The following ADGB variants were observed in gnomAD, a reference collection of about 807,000 sequenced individuals.
The protein encoded by ADGB is androglobin.
A neutral mutation model predicts 210.5 loss-of-function variants in ADGB; 172 were observed. The observed-to-expected ratio is 0.82, with a 90% CI of 0.72 to 0.93. ADGB has a LOEUF of 0.93. Among genes scored for constraint, ADGB ranks in the 40% least tolerant of loss-of-function variants. ADGB has a pLI of 0.00. For synonymous variants in ADGB, 658 were observed against 662.7 expected (o/e 0.99, Z 0.11); for missense variants, 2,025 against 1,964.8 (o/e 1.03, Z -0.58).
intron 1 of ADGB, 117 bp downstream of exon 1, chr6:146,599,231 C>T (rs747210114): frequency 6.0e-5 from 53 of 877,332 alleles, no homozygotes; most frequent in Middle Eastern, 4.3e-4. Context: ...GTGGCCTCCT[C>T]GCAGCTTGTC....
In ADGB at chr6:146,691,262, G is replaced by A. The variant is rs1205503654; in HGVS notation, c.1458G>A (p.Lys486=). ...LPPWKLIRQK[K]ETVITDEAQE... ...CCTGGAAACTCATTCGTCAAAAAAA[G>A]GAAACTGTTATAACAGATGAAGCTC... The change falls in exon 11 of 36, where the codon AAG becomes AAA. Residue 486 remains lysine, a synonymous_variant. Transcript: ENST00000397944. 1 of 1,546,358 alleles carries A rather than the reference G, an allele frequency of 6.5e-7. No homozygotes were observed. The highest frequency in any genetic ancestry group is 2.5e-5 in the East Asian group (1 of 40,730).
chr6:146,607,253 C>T (rs1780644835), intron 1 of ADGB, among the ~76,000 whole-genome samples: 1 of 152,086 alleles, frequency 6.6e-6, no homozygotes, highest in Non-Finnish European at 1.5e-5. Context: ...GCTTTGTATC[C>T]TGAAAGTTTG....
intron 11 of ADGB, among the ~76,000 whole-genome samples, chr6:146,691,715 G>T (rs183257832): frequency 2.0e-4 from 30 of 150,058 alleles, no homozygotes; most frequent in African/African-American, 6.9e-4. Context: ...AGAAGCTAAG[G>T]AGTTTGGTTA....
At position 146,692,767 on chromosome 6, in the gene ADGB, T is replaced by C. The variant is rs1168804754; in HGVS notation, c.1487-58T>C. 5 of 902,080 alleles carry C rather than the reference T, an allele frequency of 5.5e-6. No homozygotes were observed. The African/African-American group carries it at 6.8e-5, about 12-fold the overall frequency. 55.9% of individuals were successfully genotyped at this position (902,080 alleles called of 1,614,324 possible). On this transcript the variant is annotated intron_variant, in intron 11 of 35. Transcript: ENST00000397944. ...ACTGTATTAAATGTTAAATTCTGTA[T>C]GCAATCCTGAAAGATTTTTTTAAAT...
In ADGB at chr6:146,742,988, C is replaced by G. The variant is rs776945225; in HGVS notation, c.3177+1717C>G. Among the ~76,000 whole-genome samples the G allele has an allele frequency of 2.0e-5, 3 of 152,024 alleles. No individual in the cohort carries two copies. The South Asian group carries it at 6.2e-4, about 32-fold the overall frequency. The stretch of plus-strand genomic sequence containing the variant: ...GCCCAGGGAAGCCAAATATTGGAAA[C>G]CCCTCCTCTAAACCTGACCTTTCTG... On this transcript the variant is annotated intron_variant, in intron 25 of 35. Transcript: ENST00000397944.
intron 35 of ADGB, among the ~76,000 whole-genome samples, chr6:146,814,186 A>G (rs1406111053): frequency 6.6e-6 from 1 of 152,232 alleles, no homozygotes; most frequent in Non-Finnish European, 1.5e-5. Flanking sequence ...AATAAAATTA[A>G]GCTGGTTGCA....
intron 12 of ADGB, 22 bp from the exon 13 acceptor site, chr6:146,700,919 T>TG: frequency 6.5e-7 from 1 of 1,538,082 alleles, no homozygotes; most frequent in South Asian, 1.2e-5. Context: ...AACAGAAGTT[T>TG]GGGGTTTTGT....
intron 1 of ADGB, among the ~76,000 whole-genome samples, chr6:146,609,635 G>T (rs1437557296): frequency 6.6e-6 from 1 of 152,180 alleles, no homozygotes; most frequent in Non-Finnish European, 1.5e-5. Flanking sequence ...TTTAAAGGAG[G>T]TCTGGTGGTA....
rs1324193367 is a variant in ADGB, at chr6:146,728,675, G to A, written c.2454G>A (p.Lys818=). ...AGGGTAAACTCTCTGCAGCTTTGAA[G>A]GATCTGCAAACAGCTCACTACCCTG... is the stretch of plus-strand genomic sequence containing the variant. The part of the protein sequence containing the change: ...KDKGKLSAAL[K]DLQTAHYPVP... The change falls in exon 20 of 36, where the codon AAG becomes AAA. Residue 818 remains lysine, a synonymous_variant. Coordinates refer to ENST00000397944, the MANE Select transcript of ADGB (RefSeq NM_024694.4). 1 of 1,551,538 alleles carries A rather than the reference G, an allele frequency of 6.4e-7. No homozygotes were observed. The highest frequency in any genetic ancestry group is 8.7e-7 in the Non-Finnish European group (1 of 1,146,894).
intron 13 of ADGB, among the ~76,000 whole-genome samples, chr6:146,705,271 C>G (rs1355878545): frequency 6.6e-6 from 1 of 151,880 alleles, no homozygotes; most frequent in African/African-American, 2.4e-5. Context: ...ATTTGAGTGC[C>G]TTTTCTTTAT....
chr6:146,753,005 T>A (rs1777346577), intron 27 of ADGB, among the ~76,000 whole-genome samples: 2 of 151,982 alleles, frequency 1.3e-5, no homozygotes, highest in Non-Finnish European at 2.9e-5. Flanking sequence ...TTTACTTTTT[T>A]AAATTCGTAA....
At chr6:146,717,292 A>G (rs1237576194) in intron 15 of ADGB, among the ~76,000 whole-genome samples, 2 of 152,234 alleles carry the variant, frequency 1.3e-5, no homozygotes, top group Admixed American at 6.5e-5. Flanking sequence ...GATTATCCAT[A>G]TAACACATTA....
intron 27 of ADGB, among the ~76,000 whole-genome samples, chr6:146,759,412 TA>T (rs1349140089): frequency 6.6e-6 from 1 of 151,840 alleles, no homozygotes; most frequent in African/African-American, 2.4e-5. Context: ...GAATATTTTG[TA>T]AAATTTCTAA....
chr6:146,669,801 T>C (rs893346047), intron 7 of ADGB, among the ~76,000 whole-genome samples: 1 of 152,096 alleles, frequency 6.6e-6, no homozygotes, highest in Admixed American at 6.6e-5. Context: ...CTAGACTGTA[T>C]TTATCTACAA....
intron 13 of ADGB, among the ~76,000 whole-genome samples, chr6:146,711,173 G>A (rs1230198366): frequency 6.6e-6 from 1 of 152,118 alleles, no homozygotes; most frequent in Non-Finnish European, 1.5e-5. Flanking sequence ...GATTATTACT[G>A]CTGAAGCAAA....
intron 2 of ADGB, among the ~76,000 whole-genome samples, chr6:146,636,830 T>C (rs1318422202): frequency 6.6e-6 from 1 of 152,038 alleles, no homozygotes; most frequent in Non-Finnish European, 1.5e-5. Flanking sequence ...ATCCATCTTT[T>C]ATTAAGATTA....
intron 9 of ADGB, among the ~76,000 whole-genome samples, chr6:146,677,328 C>T (rs1223412878): frequency 2.0e-5 from 3 of 152,156 alleles, no homozygotes; most frequent in African/African-American, 2.4e-5. Flanking sequence ...TCATTTTCAC[C>T]TCATCCTTTA....
chr6:146,782,039 G>A lies in ADGB; in HGVS notation c.3882G>A (p.Glu1294=), dbSNP rs59739522. The change falls in exon 30 of 36, where the codon GAG becomes GAA. Residue 1294 remains glutamate (E), a synonymous_variant. Coordinates refer to ENST00000397944, the MANE Select transcript of ADGB (RefSeq NM_024694.4). ...SNTKAYGERH[E]ELINLGSPDS... is the part of the protein sequence containing the mutation. ...CTCTAGCTTATGGTGAAAGACACGA[G>A]GAGTTAATTAACTTAGGAAGCCCAG... 5.2e-3 allele frequency: 7,723 copies of A among 1,498,638 alleles called. 326 individuals are homozygous for A. In the African/African-American group the frequency reaches 0.096, roughly 19 times the overall value. The allele number at this position is 1,498,638 out of a possible 1,614,324, so 92.8% of individuals were successfully genotyped here. A position where few individuals can be genotyped will look rare whatever the true frequency, so the allele number is the denominator to read the frequency against.
At chr6:146,609,582 A>C (rs1780677462) in intron 1 of ADGB, among the ~76,000 whole-genome samples, 1 of 152,168 alleles carries the variant, frequency 6.6e-6, no homozygotes, top group Non-Finnish European at 1.5e-5. Flanking sequence ...GTGGCCAGCA[A>C]CAGTCTTTCA....
Sources: allele counts gnomAD v4.1 joint callset (sites outside exome capture counted in the v4.1 genomes callset), GRCh38; gene constraint gnomAD v4.1.1; transcripts MANE v1.5; gene names NCBI Gene and HGNC (gene_info 2026-07-23, HGNC 2026-07-21).